PCDHGA11: variants seen among roughly 807,000 people sequenced by gnomAD.
The protein encoded by PCDHGA11 is protocadherin gamma-A11.
Under a neutral mutation model 60.4 loss-of-function variants are expected in PCDHGA11, and 39 were observed. That is an observed-to-expected ratio of 0.65 (90% CI 0.50 to 0.84). PCDHGA11 has a LOEUF of 0.84. Among genes scored for constraint, PCDHGA11 ranks in the 40% least tolerant of loss-of-function variants. The pLI is 0.00. For missense variants in PCDHGA11, 1,165 were observed against 1,197.7 expected (o/e 0.97, Z 0.40); for synonymous variants, 533 against 510.3 (o/e 1.04, Z -0.60).
chr5:141,496,377 G>A (rs1413938730), intron 2 of PCDHGA11, among the ~76,000 whole-genome samples: 1 of 152,114 alleles, frequency 6.6e-6, no homozygotes, highest in Non-Finnish European at 1.5e-5. Flanking sequence ...CAGGAGCTTG[G>A]GCCACCTTAC....
chr5:141,511,443 C>A lies in PCDHGA11; in HGVS notation c.*270C>A. On this transcript the variant is annotated 3_prime_UTR_variant, in exon 4 of 4. Coordinates refer to ENST00000398587, the MANE Select transcript of PCDHGA11 (RefSeq NM_018914.3). ...GGGGTAGTGGGGTTACTGTAGACAC[C>A]AAGAACCATTTGCCACACCCCGTTT... 1 of 670,886 alleles carries A rather than the reference C, an allele frequency of 1.5e-6. No homozygotes were observed. Among genetic ancestry groups the A allele is most frequent in the Non-Finnish European group, 2.4e-6 (1 of 421,442 alleles). 41.6% of individuals were successfully genotyped at this position (670,886 alleles called of 1,614,324 possible).
At chr5:141,469,792 A>G (rs989190786) in intron 1 of PCDHGA11, among the ~76,000 whole-genome samples, 1 of 152,194 alleles carries the variant, frequency 6.6e-6, no homozygotes, top group African/African-American at 2.4e-5. Flanking sequence ...GTTATTTGTA[A>G]TTGCAAAAAC....
rs1029237740 is a variant in PCDHGA11, at chr5:141,500,358, A to G, written c.2493-5035A>G. ...AGAATAGCTGGGACTACAGGCGCCC[A>G]CTACCACGCCCGGCTAATTATTTTG... On this transcript the variant is annotated intron_variant, in intron 2 of 3. Coordinates refer to ENST00000398587, the MANE Select transcript of PCDHGA11 (RefSeq NM_018914.3). Among the ~76,000 whole-genome samples, 5 of 151,706 alleles carry G rather than the reference A, an allele frequency of 3.3e-5. No homozygotes were observed. In the South Asian group the frequency reaches 6.3e-4, roughly 19 times the overall value.
At chr5:141,426,048 A>G (rs2096911760) in intron 1 of PCDHGA11, among the ~76,000 whole-genome samples, 1 of 152,182 alleles carries the variant, frequency 6.6e-6, no homozygotes, top group Non-Finnish European at 1.5e-5. Context: ...CTGTTGGCCA[A>G]TGTGCTGCAA....
At position 141,423,395 on chromosome 5, in the gene PCDHGA11, C is replaced by G. The variant is rs1249200485; in HGVS notation, c.2168C>G (p.Ser723Ter). 1 of 1,614,060 alleles carries G rather than the reference C, an allele frequency of 6.2e-7. No individual in the cohort carries two copies. The highest frequency in any genetic ancestry group is 8.5e-7 in the Non-Finnish European group (1 of 1,180,012). The change falls in exon 1 of 4, where the codon TCA becomes TGA. Residue 723 changes from serine to a stop codon, truncating the protein, a stop_gained. Transcript: ENST00000398587. LOFTEE classifies it high-confidence loss of function. ...CTCAGGCTGTGGCGCTGGCATAAGT[C>G]ACGCCTGCTGCAGGCTTCTGAAGGC... ...LALRLWRWHK[S>*]RLLQASEGGL...
Position 141,421,581 on chromosome 5 carries a change from C to T in PCDHGA11, c.354C>T (p.Tyr118=), listed in dbSNP as rs2096585155. Residue 118 remains tyrosine, a synonymous_variant, in exon 1 of 4, where the codon TAC becomes TAT. Transcript: ENST00000398587. ...TCGTGGAAGACACCTTGAAGATTTA[C>T]GGAGTGGAGGTGGAAATAATAGATA... is the stretch of plus-strand genomic sequence containing the variant. ...ELLVEDTLKI[Y]GVEVEIIDIN... is the part of the protein sequence containing the mutation. The T allele has an allele frequency of 2.5e-6, 4 of 1,613,712 alleles. No individual in the cohort carries two copies. Among genetic ancestry groups the T allele is most frequent in the Admixed American group, 1.7e-5 (1 of 59,984 alleles).
At chr5:141,457,469 AG>A (rs1170841505) in intron 1 of PCDHGA11, among the ~76,000 whole-genome samples, 1 of 152,226 alleles carries the variant, frequency 6.6e-6, no homozygotes, top group Non-Finnish European at 1.5e-5. Context: ...CACAGGAATA[AG>A]CAGGGCCAGG....
rs138149681 is a variant in PCDHGA11, at chr5:141,486,735, G to A, written c.2434-8072G>A. Reference sequence around the variant, plus strand: ...CAGACAGGAGCTGTTCATGCTACTCGATCCTTTGACTATGAGCAAACCCAG... The same window carrying A: ...CAGACAGGAGCTGTTCATGCTACTCAATCCTTTGACTATGAGCAAACCCAG... On this transcript the variant is annotated intron_variant, in intron 1 of 3. Transcript: ENST00000398587. The surrounding 1 kb of genome is among the most constrained non-coding windows in gnomAD (Gnocchi z 5.0). 3.1e-4 allele frequency: 502 copies of A among 1,614,174 alleles called. 1 individual carries two copies. Among genetic ancestry groups the A allele is most frequent in the South Asian group, 1.8e-3 (161 of 91,086 alleles).
At chr5:141,435,024 C>T (rs1263332887) in intron 1 of PCDHGA11, among the ~76,000 whole-genome samples, 3 of 151,970 alleles carry the variant, frequency 2.0e-5, no homozygotes, top group Non-Finnish European at 4.4e-5. Context: ...ATGCTCTTTT[C>T]CCACTTTTAT....
chr5:141,495,465 G>T (rs563411010), intron 2 of PCDHGA11, among the ~76,000 whole-genome samples: 11 of 152,298 alleles, frequency 7.2e-5, no homozygotes, highest in African/African-American at 2.4e-4. Flanking sequence ...TGTCTGTGGG[G>T]TCTCCGTGTC....
chr5:141,458,496 A>T (rs905073741), intron 1 of PCDHGA11, among the ~76,000 whole-genome samples: 1 of 151,694 alleles, frequency 6.6e-6, no homozygotes, highest in Non-Finnish European at 1.5e-5. Flanking sequence ...CTGCCTGTAC[A>T]TACTGTTTGA....
rs61612330 is a variant in PCDHGA11, at chr5:141,454,796, A to ATTTTTTTTTTTTTTTTTTTTTTT, written c.2433+31143_2433+31165dup. Among the ~76,000 whole-genome samples, 6 of 77,456 alleles carry ATTTTTTTTTTTTTTTTTTTTTTT rather than the reference A, an allele frequency of 7.7e-5. 1 individual carries two copies. The highest frequency in any genetic ancestry group is 8.0e-4 in the East Asian group (2 of 2,512). 50.8% of individuals were successfully genotyped at this position (77,456 alleles called of 152,430 possible). Reference sequence around the variant, plus strand: ...AAGGAAATAATCCTCCATGGTTCTAATTTTTTTTTTTTTTTTTTTTTTTTT... The same window carrying ATTTTTTTTTTTTTTTTTTTTTTT: ...AAGGAAATAATCCTCCATGGTTCTAATTTTTTTTTTTTTTTTTTTTTTTTTTTTTTTTTTTTTTTTTTTTTTTT... On this transcript the variant is annotated intron_variant, in intron 1 of 3. Transcript: ENST00000398587.
chr5:141,433,199 ATCT>A (rs1202688924), intron 1 of PCDHGA11: 4 of 1,579,570 alleles, frequency 2.5e-6, no homozygotes, highest in East Asian at 2.2e-5. Context: ...TTTATATCAA[ATCT>A]TCTTTCTTTT....
chr5:141,461,429 T>A lies in PCDHGA11; in HGVS notation c.2434-33378T>A, dbSNP rs193056679. On this transcript the variant is annotated intron_variant, in intron 1 of 3. Coordinates refer to ENST00000398587, the MANE Select transcript of PCDHGA11 (RefSeq NM_018914.3). The stretch of plus-strand genomic sequence containing the variant: ...TTTTCATATGTTTGTGGGCCATTTG[T>A]ATACCTTCTTTTGAGAAATGGCTAT... Among the ~76,000 whole-genome samples the A allele has an allele frequency of 5.6e-4, 85 of 152,328 alleles. 1 individual carries two copies. The highest frequency in any genetic ancestry group is 1.5e-3 in the African/African-American group (64 of 41,580).
chr5:141,437,715 C>T (rs2097903335), intron 1 of PCDHGA11, among the ~76,000 whole-genome samples: 1 of 151,772 alleles, frequency 6.6e-6, no homozygotes, highest in Non-Finnish European at 1.5e-5. Context: ...ACACAGTTAC[C>T]CTCTAATGTT....
intron 1 of PCDHGA11, among the ~76,000 whole-genome samples, chr5:141,447,535 G>T (rs1366016262): frequency 3.3e-5 from 5 of 152,162 alleles, no homozygotes; most frequent in Admixed American, 6.5e-5. Flanking sequence ...AAATTGTTGG[G>T]TTTTAATGTT....
Position 141,491,755 on chromosome 5 carries a change from G to T in PCDHGA11, c.2434-3052G>T, listed in dbSNP as rs1402188587. 3 of 1,582,078 alleles carry T rather than the reference G, an allele frequency of 1.9e-6. No individual in the cohort carries two copies. Among genetic ancestry groups the T allele is most frequent in the Non-Finnish European group, 2.6e-6 (3 of 1,165,458 alleles). On this transcript the variant is annotated intron_variant, in intron 1 of 3. Coordinates refer to ENST00000398587, the MANE Select transcript of PCDHGA11 (RefSeq NM_018914.3). This position sits in a 1 kb window ranked among gnomAD's most constrained non-coding sequence, Gnocchi z 6.9. ...CCCTGGGGGCGGCACTGGAGAAGCC[G>T]CCCGTCCTCATAAGGGATTGAACTT...
In PCDHGA11 at chr5:141,490,113, C is replaced by G. The variant is rs2099696295; in HGVS notation, c.2434-4694C>G. Reference sequence around the variant, plus strand: ...ACCACACATCTGAGGCAGTGCGGAACCTCTTTGGCCTAGACCCTAGCAGTG... The same window carrying G: ...ACCACACATCTGAGGCAGTGCGGAAGCTCTTTGGCCTAGACCCTAGCAGTG... On this transcript the variant is annotated intron_variant, in intron 1 of 3. Transcript: ENST00000398587. This position sits in a 1 kb window ranked among gnomAD's most constrained non-coding sequence, Gnocchi z 5.4. 1 of 1,614,258 alleles carries G rather than the reference C, an allele frequency of 6.2e-7. No individual in the cohort carries two copies.
At position 141,490,460 on chromosome 5, in the gene PCDHGA11, TA is replaced by T. The variant is rs1393913480; in HGVS notation, c.2434-4345del. 1.2e-6 allele frequency: 2 copies of T among 1,614,094 alleles called. No individual in the cohort carries two copies. The highest frequency in any genetic ancestry group is 1.7e-6 in the Non-Finnish European group (2 of 1,180,048). On this transcript the variant is annotated intron_variant, in intron 1 of 3. Coordinates refer to ENST00000398587, the MANE Select transcript of PCDHGA11 (RefSeq NM_018914.3). The surrounding 1 kb of genome is among the most constrained non-coding windows in gnomAD (Gnocchi z 5.4). ...CCTTCTGAGAACCACTACTCGCTGC[TA>T]ACCAGCCAGCCTTTGGACCGGGAGG... is the stretch of plus-strand genomic sequence containing the variant.
Sources: allele counts gnomAD v4.1 joint callset (sites outside exome capture counted in the v4.1 genomes callset), GRCh38; gene constraint gnomAD v4.1.1; non-coding constraint Gnocchi (gnomAD v3.1); transcripts MANE v1.5; gene names NCBI Gene and HGNC (gene_info 2026-07-23, HGNC 2026-07-21).